The following CTNNB1 variants were observed in gnomAD, a reference collection of about 807,000 sequenced individuals.
CTNNB1 encodes catenin beta-1.
Under a neutral mutation model 82.5 loss-of-function variants are expected in CTNNB1, and 6 were observed. The ratio of observed to expected loss-of-function variants is 0.07; its 90% CI spans 0.04 to 0.14. The LOEUF (loss-of-function observed/expected upper bound fraction) is 0.14. Among genes scored for constraint, CTNNB1 ranks in the 10% least tolerant of loss-of-function variants. The probability of loss-of-function intolerance (pLI) is 1.00; values close to 1 mark genes in which losing one functional copy is unlikely to be tolerated. For synonymous variants in CTNNB1, 312 were observed against 329.7 expected, an observed-to-expected ratio of 0.95 and a Z score of 0.58; for missense variants, 529 against 980.4, an observed-to-expected ratio of 0.54 and a Z score of 6.15.
rs117946850 is a variant in CTNNB1 at position 41,212,060 on chromosome 3, G to A, written c.-48-11961G>A. Among the ~76,000 whole-genome samples the A allele has an allele frequency of 1.1e-4, 16 of 152,242 alleles. No homozygotes were observed. The East Asian group carries it at 2.9e-3, about 28-fold the overall frequency. Reference sequence around the variant, plus strand: ...TCTCCTCTGACTCTTCAGCCTTTTTGTTTTTCCTCAAACTGATGAAGCCTT... The same window carrying A: ...TCTCCTCTGACTCTTCAGCCTTTTTATTTTTCCTCAAACTGATGAAGCCTT... On this transcript the variant is annotated intron_variant, in intron 1 of 14. Coordinates refer to ENST00000349496, the MANE Select transcript of CTNNB1 (RefSeq NM_001904.4).
rs1264065976 is a variant in CTNNB1 at position 41,239,619 on chromosome 3, C to CTGTT, written c.*279_*282dup. The CTGTT allele has an allele frequency of 2.0e-6, 1 of 502,526 alleles. No individual in the cohort carries two copies. The highest frequency in any genetic ancestry group is 3.6e-6 in the Non-Finnish European group (1 of 275,324). 31.1% of individuals were successfully genotyped at this position (502,526 alleles called of 1,614,324 possible). On this transcript the variant is annotated 3_prime_UTR_variant, in exon 15 of 15. Coordinates refer to ENST00000349496, the MANE Select transcript of CTNNB1 (RefSeq NM_001904.4). ...TTAATACTCAAATGAGTAACATTTGCTGTTTTAAACATTAATAGCAGCCTT... is the reference window on the plus strand; with the variant it reads ...TTAATACTCAAATGAGTAACATTTGCTGTTTGTTTTAAACATTAATAGCAGCCTT...
At chr3:41,226,135 T>G (rs1308940838) in intron 6 of CTNNB1, among the ~76,000 whole-genome samples, 3 of 152,212 alleles carry the variant, frequency 2.0e-5, no homozygotes. Context: ...CATGGTGCAG[T>G]TGATCTGACA....
chr3:41,218,132 T>C (rs2077957108), intron 1 of CTNNB1, among the ~76,000 whole-genome samples: 1 of 152,174 alleles, frequency 6.6e-6, no homozygotes, highest in African/African-American at 2.4e-5. Flanking sequence ...ATAGGTTTAA[T>C]TTTAATGTAA....
chr3:41,236,870 A>G lies in CTNNB1; in HGVS notation c.2076+161A>G, dbSNP rs1251126193. 9 of 831,178 alleles carry G rather than the reference A, an allele frequency of 1.1e-5. No individual in the cohort carries two copies. The East Asian group carries it at 2.2e-4, about 20-fold the overall frequency. The allele number at this position is 831,178 out of a possible 1,614,324, so 51.5% of individuals were successfully genotyped here. A position where few individuals can be genotyped will look rare whatever the true frequency, so the allele number is the denominator to read the frequency against. On this transcript the variant is annotated intron_variant, in intron 13 of 14. Coordinates refer to ENST00000349496, the MANE Select transcript of CTNNB1 (RefSeq NM_001904.4). ...TGTCTAGCAACTGCTCTGAGGAAGA[A>G]CTATAATACAAGCTTTAAAGAGTCT...
chr3:41,202,129 A>G (rs2077546040), intron 1 of CTNNB1, among the ~76,000 whole-genome samples: 1 of 152,256 alleles, frequency 6.6e-6, no homozygotes, highest in Non-Finnish European at 1.5e-5. Context: ...CAGTGAAATT[A>G]AATCTCCTGC....
chr3:41,231,609 A>C (rs909678590), intron 7 of CTNNB1, among the ~76,000 whole-genome samples: 1 of 152,192 alleles, frequency 6.6e-6, no homozygotes, highest in Admixed American at 6.5e-5. Flanking sequence ...GTTATACTAA[A>C]GTATTTCTAT....
At chr3:41,227,125 T>G in intron 6 of CTNNB1, 83 bp from the exon 7 acceptor site, 2 of 1,199,502 alleles carry the variant, frequency 1.7e-6, no homozygotes, top group South Asian at 1.2e-5. Flanking sequence ...TCTTGTATAA[T>G]AAAATAGGTT....
chr3:41,231,155 A>G (rs1244151228), intron 7 of CTNNB1, among the ~76,000 whole-genome samples: 1 of 151,952 alleles, frequency 6.6e-6, no homozygotes, highest in Non-Finnish European at 1.5e-5. Flanking sequence ...GTGAAACCCC[A>G]TCTCTACTAA....
chr3:41,239,566 T>C lies in CTNNB1; in HGVS notation c.*224T>C, dbSNP rs2078525060. On this transcript the variant is annotated 3_prime_UTR_variant, in exon 15 of 15. Coordinates refer to ENST00000349496, the MANE Select transcript of CTNNB1 (RefSeq NM_001904.4). ...GATCATGTGTGGAAGTTATTAACTT[T>C]AATGTTTTTTGCCACAGCTTTTGCA... 6.9e-6 allele frequency: 4 copies of C among 576,164 alleles called. No individual in the cohort carries two copies. The highest frequency in any genetic ancestry group is 1.2e-5 in the Non-Finnish European group (4 of 322,340). The allele number at this position is 576,164 out of a possible 1,614,324, so 35.7% of individuals were successfully genotyped here. A position where few individuals can be genotyped will look rare whatever the true frequency, so the allele number is the denominator to read the frequency against.
In CTNNB1 at chr3:41,227,408, A is replaced by G. The variant is rs1018703827; in HGVS notation, c.1081+56A>G. On this transcript the variant is annotated intron_variant, in intron 7 of 14. Transcript: ENST00000349496. Reference sequence around the variant, plus strand: ...GTATAGCATCTGCAGTTCTAATTAGATTACTTTTCTTAGGAAAAGGTGGTA... The same window carrying G: ...GTATAGCATCTGCAGTTCTAATTAGGTTACTTTTCTTAGGAAAAGGTGGTA... The G allele has an allele frequency of 2.5e-6, 4 of 1,583,758 alleles. No homozygotes were observed. The African/African-American group carries it at 5.4e-5, about 21-fold the overall frequency.
intron 7 of CTNNB1, among the ~76,000 whole-genome samples, chr3:41,228,379 C>CT (rs2125630230): frequency 6.6e-6 from 1 of 152,280 alleles, no homozygotes; most frequent in East Asian, 1.9e-4. Context: ...TCACCAGCAT[C>CT]TGTCATTTTT....
intron 1 of CTNNB1, chr3:41,222,224 T>A (rs1378517526): frequency 6.6e-6 from 1 of 152,220 alleles, no homozygotes. Context: ...GAGGAAGGCT[T>A]TCCTTTTCCT....
At chr3:41,238,100 T>A in intron 14 of CTNNB1, 24 bp downstream of exon 14, 2 of 1,599,534 alleles carry the variant, frequency 1.3e-6, no homozygotes, top group African/African-American at 2.7e-5. Context: ...ATTTCTCGAT[T>A]AACTCCAGAT....
intron 7 of CTNNB1, among the ~76,000 whole-genome samples, chr3:41,230,184 G>A (rs545804034): frequency 2.9e-4 from 44 of 152,286 alleles, no homozygotes; most frequent in Middle Eastern, 3.4e-3. Flanking sequence ...CATAGTCTTG[G>A]GGATAGACAA....
intron 11 of CTNNB1, 36 bp from the exon 12 acceptor site, chr3:41,236,313 A>C (rs1368808129): frequency 3.4e-5 from 55 of 1,613,670 alleles, no homozygotes; most frequent in Non-Finnish European, 4.4e-5. Flanking sequence ...TTTTAGCTTT[A>C]GATTTAATTA....
intron 7 of CTNNB1, among the ~76,000 whole-genome samples, chr3:41,231,647 C>T (rs1234618452): frequency 6.6e-6 from 1 of 152,110 alleles, no homozygotes; most frequent in Non-Finnish European, 1.5e-5. Flanking sequence ...GAGACACTTT[C>T]GATGGTTGTT....
intron 1 of CTNNB1, among the ~76,000 whole-genome samples, chr3:41,203,772 C>T (rs2077587158): frequency 6.6e-6 from 1 of 152,076 alleles, no homozygotes; most frequent in South Asian, 2.1e-4. Flanking sequence ...CTCTAGGCTC[C>T]TATGTTCATG....
intron 2 of CTNNB1, 167 bp from the exon 3 acceptor site, chr3:41,224,359 A>ACCC: frequency 1.3e-6 from 1 of 763,052 alleles, no homozygotes; most frequent in South Asian, 1.7e-5. Flanking sequence ...GGGATTAGGT[A>ACCC]TTTCATCACT....
At chr3:41,207,460 C>G (rs2077674760) in intron 1 of CTNNB1, among the ~76,000 whole-genome samples, 1 of 152,136 alleles carries the variant, frequency 6.6e-6, no homozygotes, top group South Asian at 2.1e-4. Context: ...TCCTGAACTT[C>G]CCCTCTCCTC....
Sources: gnomAD v4.1 joint callset for allele counts (sites outside exome capture counted in the v4.1 genomes callset) on GRCh38, gnomAD v4.1.1 for gene constraint, MANE v1.5 for transcripts, NCBI Gene and HGNC (gene_info 2026-07-23, HGNC 2026-07-21) for gene names.